Variants in GLG1 observed in about 807,000 individuals in gnomAD.
GLG1 encodes Golgi apparatus protein 1.
A neutral mutation model predicts 160.5 loss-of-function variants in GLG1; 38 were observed. The observed-to-expected ratio is 0.24, with a 90% CI of 0.18 to 0.31. GLG1 has a LOEUF of 0.31. Ranked by LOEUF, GLG1 falls within the 10% of genes least tolerant of loss-of-function variation. The pLI is 1.00. For synonymous variants in GLG1, 644 were observed against 543.4 expected (o/e 1.19, Z -2.57); for missense variants, 1,373 against 1,505.2 (o/e 0.91, Z 1.45).
intron 3 of GLG1, among the ~76,000 whole-genome samples, chr16:74,504,125 C>T (rs936305947): frequency 6.6e-6 from 1 of 152,170 alleles, no homozygotes; most frequent in East Asian, 1.9e-4. Flanking sequence ...CAGGAGACAG[C>T]GAGGGGATGA....
chr16:74,513,028 T>G (rs1294959395), intron 2 of GLG1, among the ~76,000 whole-genome samples: 1 of 152,108 alleles, frequency 6.6e-6, no homozygotes, highest in Non-Finnish European at 1.5e-5. Flanking sequence ...GAGTTCAGAA[T>G]AGCTGGAGTT....
At chr16:74,493,264 T>C (rs1369691382) in intron 6 of GLG1, 124 bp from the exon 7 acceptor site, 6 of 602,082 alleles carry the variant, frequency 1.0e-5, no homozygotes, top group Non-Finnish European at 1.5e-5. Context: ...ATTACCAACA[T>C]ATCTATCTTT....
At chr16:74,569,769 A>G (rs1371395504) in intron 1 of GLG1, among the ~76,000 whole-genome samples, 1 of 151,114 alleles carries the variant, frequency 6.6e-6, no homozygotes, top group Non-Finnish European at 1.5e-5. Context: ...AGGCTGAAGC[A>G]GGAGAATCAC....
intron 11 of GLG1, 94 bp from the exon 12 acceptor site, chr16:74,477,627 A>C (rs1009560467): frequency 1.3e-4 from 116 of 873,198 alleles, no homozygotes; most frequent in Non-Finnish European, 2.0e-4. Flanking sequence ...CTAACAAATA[A>C]CCCTGTATTT....
chr16:74,462,356 A>G lies in GLG1; in HGVS notation c.2934+132T>C, dbSNP rs145339483. 7.3e-4 allele frequency: 645 copies of G among 887,130 alleles called. 6 individuals are homozygous for G. In the African/African-American group the frequency reaches 9.8e-3, roughly 14 times the overall value. 55.0% of individuals were successfully genotyped at this position (887,130 alleles called of 1,614,324 possible). ...ATGCCTGCTTTTGATCTGGCCCCTT[A>G]GCCCCCCAGGTTCGGGAAGATATGA... On this transcript the variant is annotated intron_variant, in intron 21 of 25. Transcript: ENST00000422840.
At chr16:74,559,697 CCCA>C (rs1216491376) in intron 1 of GLG1, among the ~76,000 whole-genome samples, 1 of 149,014 alleles carries the variant, frequency 6.7e-6, no homozygotes, top group Non-Finnish European at 1.5e-5. Flanking sequence ...ATTACTCATT[CCCA>C]CCGAGATTAC....
chr16:74,523,690 T>C (rs2017244393), intron 2 of GLG1, among the ~76,000 whole-genome samples: 1 of 151,992 alleles, frequency 6.6e-6, no homozygotes, highest in African/African-American at 2.4e-5. Context: ...GCTTTACATG[T>C]TACTTTAAAA....
chr16:74,481,791 CCT>C, intron 10 of GLG1, among the ~76,000 whole-genome samples: 1 of 151,992 alleles, frequency 6.6e-6, no homozygotes, highest in East Asian at 1.9e-4. Flanking sequence ...AAGTGAATCT[CCT>C]TTTTTTTTTG....
In GLG1 at chr16:74,556,554, C is replaced by T. The variant is rs548743598; in HGVS notation, c.439-24401G>A. 4.5e-3 allele frequency among the ~76,000 whole-genome samples: 686 copies of T among 152,114 alleles called. 4 individuals are homozygous for T. Among genetic ancestry groups the T allele is most frequent in the South Asian group, 0.016 (78 of 4,798 alleles). ...AAATAGTCAGCTGGGCGTGGTGGTTCATGCCTGTGGTCTCAGCTACTGGGG... is the reference window on the plus strand; with the variant it reads ...AAATAGTCAGCTGGGCGTGGTGGTTTATGCCTGTGGTCTCAGCTACTGGGG... On this transcript the variant is annotated intron_variant, in intron 1 of 25. Transcript: ENST00000422840.
In GLG1 at chr16:74,469,062, C is replaced by T; in HGVS notation, c.2320G>A (p.Val774Met). The change falls in exon 17 of 26, where the codon GTG (valine) becomes ATG (methionine). Residue 774 changes from valine (V) to methionine (M), a missense_variant and splice_region_variant. Physicochemically the swap from Val to Met is conservative, Grantham distance 21. Transcript: ENST00000422840. Reference protein sequence around the residue: ...LKLCPNIKKKVDVVICLSTTV... With the variant: ...LKLCPNIKKKMDVVICLSTTV... ...GTGCTCAGGCAGATCACCACGTCCA[C>T]CCTGCAGACGAAAGAAGCTTGAGGC... 5.0e-6 allele frequency: 8 copies of T among 1,610,844 alleles called. No homozygotes were observed. The highest frequency in any genetic ancestry group is 6.8e-6 in the Non-Finnish European group (8 of 1,176,950).
chr16:74,481,790 T>TC (rs916973986), intron 10 of GLG1, among the ~76,000 whole-genome samples: 2 of 151,672 alleles, frequency 1.3e-5, no homozygotes, highest in African/African-American at 4.8e-5. Context: ...CAAGTGAATC[T>TC]CCTTTTTTTT....
intron 2 of GLG1, among the ~76,000 whole-genome samples, chr16:74,520,950 G>T (rs1239070912): frequency 6.6e-6 from 1 of 152,178 alleles, no homozygotes; most frequent in Non-Finnish European, 1.5e-5. Flanking sequence ...TTCTATGAAA[G>T]AGAGAAAGAT....
intron 2 of GLG1, among the ~76,000 whole-genome samples, chr16:74,520,666 C>A (rs1345799890): frequency 6.6e-6 from 1 of 152,136 alleles, no homozygotes; most frequent in Non-Finnish European, 1.5e-5. Flanking sequence ...AACAAATATG[C>A]ATGAGTCATA....
chr16:74,592,800 T>C (rs1215238942), intron 1 of GLG1, among the ~76,000 whole-genome samples: 1 of 152,162 alleles, frequency 6.6e-6, no homozygotes, highest in African/African-American at 2.4e-5. Flanking sequence ...TTATTTCATA[T>C]ATAATAGGTG....
At chr16:74,563,035 T>C (rs1301736877) in intron 1 of GLG1, 3 of 152,184 alleles carry the variant, frequency 2.0e-5, no homozygotes, top group East Asian at 1.9e-4. Context: ...CAGAAGCAGA[T>C]GGCACCCTAG....
chr16:74,519,863 G>A (rs976415507), intron 2 of GLG1, among the ~76,000 whole-genome samples: 3 of 152,116 alleles, frequency 2.0e-5, no homozygotes, highest in Non-Finnish European at 4.4e-5. Flanking sequence ...GATGAGGAAT[G>A]AATTCTCATA....
At chr16:74,583,939 G>A (rs912499986) in intron 1 of GLG1, among the ~76,000 whole-genome samples, 2 of 152,028 alleles carry the variant, frequency 1.3e-5, no homozygotes, top group African/African-American at 4.8e-5. Context: ...TTTGTCAAAC[G>A]AATGAACAAA....
chr16:74,527,790 G>T (rs12444848), intron 2 of GLG1, among the ~76,000 whole-genome samples: 3,700 of 151,720 alleles, frequency 0.024, 60 homozygotes, highest in Non-Finnish European at 0.036. Flanking sequence ...GCCGTGGCGG[G>T]ATCTCAGCTC....
intron 1 of GLG1, among the ~76,000 whole-genome samples, chr16:74,596,255 G>A (rs528391248): frequency 3.3e-5 from 5 of 151,074 alleles, no homozygotes; most frequent in South Asian, 2.1e-4. Flanking sequence ...TGGGCTGGGC[G>A]TGGTTGCTAA....
Sources: allele counts gnomAD v4.1 joint callset (sites outside exome capture counted in the v4.1 genomes callset), GRCh38; gene constraint gnomAD v4.1.1; transcripts MANE v1.5; gene names NCBI Gene and HGNC (gene_info 2026-07-23, HGNC 2026-07-21).